Variants in KCNJ6 observed in about 807,000 individuals in gnomAD.
KCNJ6 encodes the protein potassium inwardly rectifying channel subfamily J member 6.
KCNJ6 carries 9 observed loss-of-function variants against 34.2 expected under a neutral mutation model. The observed-to-expected ratio is 0.26, with a 90% CI of 0.16 to 0.46. The LOEUF is 0.46. Ranked by LOEUF, KCNJ6 falls within the 20% of genes least tolerant of loss-of-function variation. The probability of loss-of-function intolerance (pLI) is 1.00; values close to 1 mark genes in which losing one functional copy is unlikely to be tolerated. For synonymous variants in KCNJ6, 196 were observed against 207.1 expected (o/e 0.95, Z 0.46); for missense variants, 236 against 531.3 (o/e 0.44, Z 5.46).
intron 2 of KCNJ6, among the ~76,000 whole-genome samples, chr21:37,796,071 C>G (rs2055240207): frequency 6.6e-6 from 1 of 152,174 alleles, no homozygotes. Flanking sequence ...GGACTGGAGT[C>G]TGTTGGGAGA....
chr21:37,789,664 C>CTA (rs1425597420), intron 2 of KCNJ6, among the ~76,000 whole-genome samples: 2 of 152,300 alleles, frequency 1.3e-5, no homozygotes, highest in East Asian at 3.9e-4. Flanking sequence ...TCTAGGTCTT[C>CTA]GACGGCATCC....
At chr21:37,846,353 CTGTGTGTGTGTGTGTGTGTG>C (rs55697215) in intron 1 of KCNJ6, among the ~76,000 whole-genome samples, 36,770 of 144,990 alleles carry the variant, frequency 0.25, 5,464 homozygotes, top group South Asian at 0.38. Flanking sequence ...CTGAGACACT[CTGTGTGTGTGTGTGTGTGTG>C]TGTGTGTGTG....
At chr21:37,812,112 C>T (rs900123187) in intron 2 of KCNJ6, among the ~76,000 whole-genome samples, 28 of 152,170 alleles carry the variant, frequency 1.8e-4, no homozygotes, top group African/African-American at 6.8e-4. Context: ...AAATTGGAAA[C>T]CATGTAAATT....
rs189496771 is a variant in KCNJ6, at chr21:37,804,495, T to A, written c.25+36163A>T. Among the ~76,000 whole-genome samples the A allele has an allele frequency of 2.1e-4, 32 of 152,126 alleles. No homozygotes were observed. The East Asian group carries it at 5.8e-3, about 28-fold the overall frequency. On this transcript the variant is annotated intron_variant, in intron 2 of 3. Transcript: ENST00000609713. ...TACAGGTAAACTTGTGTCATGGGGG[T>A]TTGTTGTACAGATTATTTCATCACT...
intron 1 of KCNJ6, among the ~76,000 whole-genome samples, chr21:37,889,258 G>A (rs1453703370): frequency 6.6e-6 from 1 of 152,202 alleles, no homozygotes; most frequent in Non-Finnish European, 1.5e-5. Context: ...TTTGAGGTTT[G>A]TGTTTGTGAG....
intron 2 of KCNJ6, among the ~76,000 whole-genome samples, chr21:37,785,367 A>G (rs149956166): frequency 6.6e-6 from 1 of 152,296 alleles, no homozygotes; most frequent in Non-Finnish European, 1.5e-5. Flanking sequence ...GCTGAGGAAA[A>G]ACCACCTTGT....
intron 2 of KCNJ6, among the ~76,000 whole-genome samples, chr21:37,776,275 C>T (rs1471682262): frequency 1.3e-5 from 2 of 152,174 alleles, no homozygotes; most frequent in Non-Finnish European, 2.9e-5. Flanking sequence ...TCTAGATATA[C>T]AATCATGTCA....
chr21:37,654,856 T>C (rs73904019), intron 3 of KCNJ6, among the ~76,000 whole-genome samples: 23,951 of 152,196 alleles, frequency 0.16, 3,040 homozygotes, highest in African/African-American at 0.35. Flanking sequence ...TCCCTGGCTC[T>C]GGGTGAGGAG....
chr21:37,758,731 T>C (rs1427311137), intron 2 of KCNJ6, among the ~76,000 whole-genome samples: 1 of 152,088 alleles, frequency 6.6e-6, no homozygotes, highest in African/African-American at 2.4e-5. Context: ...TTGACCCTCT[T>C]GGGATTAAGT....
chr21:37,761,544 TGTG>T (rs1568838880), intron 2 of KCNJ6, among the ~76,000 whole-genome samples: 1 of 150,302 alleles, frequency 6.7e-6, no homozygotes, highest in African/African-American at 2.5e-5. Flanking sequence ...GTGTCGTGTG[TGTG>T]GTATGTGTGT....
At chr21:37,861,970 G>A (rs1177360380) in intron 1 of KCNJ6, among the ~76,000 whole-genome samples, 2 of 152,216 alleles carry the variant, frequency 1.3e-5, no homozygotes, top group African/African-American at 4.8e-5. Flanking sequence ...TCAGCACTCA[G>A]TCAAGTGGGT....
intron 2 of KCNJ6, among the ~76,000 whole-genome samples, chr21:37,828,861 G>A (rs2055411583): frequency 6.6e-6 from 1 of 152,176 alleles, no homozygotes; most frequent in Non-Finnish European, 1.5e-5. Context: ...GTACCCTCCA[G>A]GCTGTCTACC....
intron 3 of KCNJ6, among the ~76,000 whole-genome samples, chr21:37,689,038 T>G (rs2054627874): frequency 6.6e-6 from 1 of 152,224 alleles, no homozygotes; most frequent in South Asian, 2.1e-4. Flanking sequence ...TCGTTGGTGA[T>G]AAATCAAAGG....
chr21:37,837,101 T>C (rs1194452445), intron 2 of KCNJ6, among the ~76,000 whole-genome samples: 1 of 152,126 alleles, frequency 6.6e-6, no homozygotes, highest in African/African-American at 2.4e-5. Context: ...TCTCTTGGGC[T>C]TTCATCATAT....
chr21:37,894,586 C>A (rs2123638489), intron 1 of KCNJ6, among the ~76,000 whole-genome samples: 1 of 152,240 alleles, frequency 6.6e-6, no homozygotes, highest in Non-Finnish European at 1.5e-5. Flanking sequence ...ACTGCTTGAA[C>A]CCGGGAGGCG....
chr21:37,615,859 T>A lies in KCNJ6; in HGVS notation c.*9300A>T, dbSNP rs547719282. On this transcript the variant is annotated 3_prime_UTR_variant, in exon 4 of 4. Transcript: ENST00000609713. ...GATAATACAAAAATAATTTTGAAAA[T>A]TTTTTAAAGGCAAATGTGACTGGAG... is the stretch of plus-strand genomic sequence containing the variant. 6.6e-5 allele frequency: 10 copies of A among 152,302 alleles called. No individual in the cohort carries two copies. The highest frequency in any genetic ancestry group is 2.2e-4 in the African/African-American group (9 of 41,568). 9.4% of individuals were successfully genotyped at this position (152,302 alleles called of 1,614,324 possible).
chr21:37,799,627 C>T (rs79653133), intron 2 of KCNJ6, among the ~76,000 whole-genome samples: 1,644 of 152,174 alleles, frequency 0.011, 32 homozygotes, highest in African/African-American at 0.038. Context: ...TCAGATATTC[C>T]CATTTTGTAA....
chr21:37,893,154 G>A (rs765546850), intron 1 of KCNJ6, among the ~76,000 whole-genome samples: 5 of 146,412 alleles, frequency 3.4e-5, no homozygotes, highest in Non-Finnish European at 6.0e-5. Flanking sequence ...GCACCCGGCC[G>A]GTTTCTTTCA....
intron 3 of KCNJ6, among the ~76,000 whole-genome samples, chr21:37,712,732 C>T (rs1481311766): frequency 8.3e-6 from 1 of 120,466 alleles, no homozygotes. Flanking sequence ...TCCTTCCTCC[C>T]CTTCTCCTCC....
Sources: allele counts gnomAD v4.1 joint callset (sites outside exome capture counted in the v4.1 genomes callset), GRCh38; gene constraint gnomAD v4.1.1; transcripts MANE v1.5; gene names NCBI Gene and HGNC (gene_info 2026-07-23, HGNC 2026-07-21).